Variants in SPIDR observed in about 807,000 individuals in gnomAD.
SPIDR encodes DNA repair-scaffolding protein.
SPIDR carries 93 observed loss-of-function variants against 104.6 expected under a neutral mutation model. The ratio of observed to expected loss-of-function variants is 0.89; its 90% CI spans 0.75 to 1.06. SPIDR has a LOEUF of 1.06. Ranked by LOEUF, SPIDR falls within the 50% of genes least tolerant of loss-of-function variation. The pLI is 0.00. For missense variants in SPIDR, 1,154 were observed against 1,111.2 expected (o/e 1.04, Z -0.55); for synonymous variants, 431 against 416.9 (o/e 1.03, Z -0.41).
intron 12 of SPIDR, among the ~76,000 whole-genome samples, chr8:47,701,161 C>T (rs1381726124): frequency 2.0e-5 from 3 of 152,194 alleles, no homozygotes; most frequent in Non-Finnish European, 2.9e-5. Context: ...TCAAAGCACA[C>T]GGTGGCTCAT....
chr8:47,344,119 TC>T (rs1332030189), intron 5 of SPIDR, among the ~76,000 whole-genome samples: 4 of 111,772 alleles, frequency 3.6e-5, no homozygotes, highest in East Asian at 3.1e-4. Flanking sequence ...CCCTACCCCC[TC>T]CCCCCACCCC....
intron 5 of SPIDR, among the ~76,000 whole-genome samples, chr8:47,310,682 G>A (rs369920723): frequency 6.6e-6 from 1 of 152,152 alleles, no homozygotes; most frequent in South Asian, 2.1e-4. Flanking sequence ...AGTTAGGGGT[G>A]ACTCTAGCAG....
chr8:47,661,120 TG>T (rs770407434), intron 10 of SPIDR: 6 of 207,532 alleles, frequency 2.9e-5, no homozygotes, highest in Non-Finnish European at 5.1e-5. Context: ...GCAGAAGCAT[TG>T]ATCTTAAACA....
chr8:47,493,695 G>T (rs571837182), intron 8 of SPIDR, among the ~76,000 whole-genome samples: 1 of 152,058 alleles, frequency 6.6e-6, no homozygotes, highest in Admixed American at 6.6e-5. Flanking sequence ...GTTTTTTCTC[G>T]TTCTGTCATA....
At chr8:47,539,494 A>G (rs1328912396) in intron 8 of SPIDR, among the ~76,000 whole-genome samples, 1 of 152,194 alleles carries the variant, frequency 6.6e-6, no homozygotes, top group Non-Finnish European at 1.5e-5. Context: ...TAGAAGATAA[A>G]TGACATCTCA....
At chr8:47,499,389 T>C (rs369871951) in intron 8 of SPIDR, among the ~76,000 whole-genome samples, 5 of 152,178 alleles carry the variant, frequency 3.3e-5, no homozygotes, top group African/African-American at 1.2e-4. Flanking sequence ...CTCTAAAATA[T>C]AGTTCCACCC....
intron 16 of SPIDR, among the ~76,000 whole-genome samples, chr8:47,718,065 C>G (rs533036042): frequency 6.6e-6 from 1 of 152,312 alleles, no homozygotes; most frequent in Non-Finnish European, 1.5e-5. Context: ...TTGAAGGACT[C>G]TAGAGGCTGG....
At chr8:47,656,343 A>T (rs980427442) in intron 10 of SPIDR, among the ~76,000 whole-genome samples, 4 of 152,330 alleles carry the variant, frequency 2.6e-5, no homozygotes, top group South Asian at 2.1e-4. Flanking sequence ...CAAATAAAAG[A>T]TGGTTAAAAA....
chr8:47,551,902 G>A (rs1320049449), intron 8 of SPIDR, among the ~76,000 whole-genome samples: 1 of 152,092 alleles, frequency 6.6e-6, no homozygotes, highest in Non-Finnish European at 1.5e-5. Flanking sequence ...TCTTTTATGG[G>A]CATTTAATGC....
intron 15 of SPIDR, 60 bp from the exon 16 acceptor site, chr8:47,713,429 T>G (rs2082147251): frequency 5.6e-6 from 9 of 1,609,590 alleles, no homozygotes; most frequent in Non-Finnish European, 6.8e-6. Context: ...AGACTGCCAT[T>G]ATGGGCACAA....
rs2082283315 is a variant in SPIDR, at chr8:47,511,294, C to G, written c.1097+70752C>G. 2.8e-6 allele frequency: 4 copies of G among 1,425,304 alleles called. No individual in the cohort carries two copies. The East Asian group carries it at 9.1e-5, about 32-fold the overall frequency. 88.3% of individuals were successfully genotyped at this position (1,425,304 alleles called of 1,614,324 possible). A position where few individuals can be genotyped will look rare whatever the true frequency, so the allele number is the denominator to read the frequency against. ...TGATTCGACGATTAAGATGGAAGAG[C>G]TGGCTTTGGCTTCATTTTCTGCCAG... On this transcript the variant is annotated intron_variant, in intron 8 of 19. Transcript: ENST00000297423.
At chr8:47,366,955 C>A (rs530633761) in intron 5 of SPIDR, among the ~76,000 whole-genome samples, 2 of 152,238 alleles carry the variant, frequency 1.3e-5, no homozygotes, top group African/African-American at 4.8e-5. Context: ...TTCTAAATGA[C>A]CTCCAGTAGA....
At chr8:47,367,008 C>T (rs192652954) in intron 5 of SPIDR, among the ~76,000 whole-genome samples, 6 of 152,272 alleles carry the variant, frequency 3.9e-5, no homozygotes, top group Admixed American at 2.6e-4. Flanking sequence ...GACTGTGTGA[C>T]TAGGGTGGCT....
Position 47,462,646 on chromosome 8 carries a change from T to G in SPIDR, c.1097+22104T>G, listed in dbSNP as rs563344352. ...AGAAAGATATTAAATCAATAACCTA[T>G]CTGTACATGTTAAGGTACTAGAAAA... On this transcript the variant is annotated intron_variant, in intron 8 of 19. Coordinates refer to ENST00000297423, the MANE Select transcript of SPIDR (RefSeq NM_001080394.4). Among the ~76,000 whole-genome samples, 15 of 152,240 alleles carry G rather than the reference T, an allele frequency of 9.9e-5. No individual in the cohort carries two copies. In the South Asian group the frequency reaches 2.5e-3, roughly 25 times the overall value.
chr8:47,590,586 C>T (rs1321624167), intron 8 of SPIDR, among the ~76,000 whole-genome samples: 3 of 152,034 alleles, frequency 2.0e-5, no homozygotes, highest in Non-Finnish European at 4.4e-5. Context: ...TCTTATGGCA[C>T]ATGCATTTTG....
chr8:47,535,214 A>T (rs1168811518), intron 8 of SPIDR, among the ~76,000 whole-genome samples: 1 of 152,214 alleles, frequency 6.6e-6, no homozygotes, highest in African/African-American at 2.4e-5. Flanking sequence ...GGCAGAAATT[A>T]TACCTATTTT....
chr8:47,274,483 T>A (rs1040047840), intron 1 of SPIDR, among the ~76,000 whole-genome samples: 9 of 152,194 alleles, frequency 5.9e-5, no homozygotes, highest in Non-Finnish European at 1.0e-4. Flanking sequence ...AATTGTAAAG[T>A]TCCTGCACGT....
chr8:47,561,854 GA>G (rs1252143258), intron 8 of SPIDR, among the ~76,000 whole-genome samples: 1 of 152,180 alleles, frequency 6.6e-6, no homozygotes, highest in East Asian at 1.9e-4. Flanking sequence ...CTGATACAAA[GA>G]AGTGGTTTTG....
At chr8:47,344,481 C>A (rs1554616209) in intron 5 of SPIDR, among the ~76,000 whole-genome samples, 1 of 152,168 alleles carries the variant, frequency 6.6e-6, no homozygotes, top group East Asian at 1.9e-4. Flanking sequence ...TGGGTATATA[C>A]CCAGTAATGG....
Sources: allele counts gnomAD v4.1 joint callset (sites outside exome capture counted in the v4.1 genomes callset), GRCh38; gene constraint gnomAD v4.1.1; transcripts MANE v1.5; gene names NCBI Gene and HGNC (gene_info 2026-07-23, HGNC 2026-07-21).